The following HCAR3 variants were observed in gnomAD, a reference collection of about 807,000 sequenced individuals.
HCAR3 encodes the protein G-protein coupled receptor 109B.
For missense variants in HCAR3, 404 were observed against 501.2 expected (o/e 0.81, Z 1.85); for synonymous variants, 167 against 201.0 (o/e 0.83, Z 1.43).
Position 122,716,489 on chromosome 12 carries a change from C to T in HCAR3, c.249G>A (p.Val83=). ...CTGAACGCCGCACATAGTAGTCCAT[C>T]ACGAACGGCAGGCAGATGATCAGTA... The part of the protein sequence containing the change: ...DFLLIICLPF[V]MDYYVRRSDW... The change falls in exon 1 of 1, where the codon GTG becomes GTA. Residue 83 remains valine (V), a synonymous_variant. Coordinates refer to ENST00000528880, the MANE Select transcript of HCAR3 (RefSeq NM_006018.3). 1 of 1,614,130 alleles carries T rather than the reference C, an allele frequency of 6.2e-7. No homozygotes were observed. The highest frequency in any genetic ancestry group is 8.5e-7 in the Non-Finnish European group (1 of 1,180,036).
chr12:122,716,122 A>G lies in HCAR3; in HGVS notation c.616T>C (p.Phe206Leu). 1 of 1,613,894 alleles carries G rather than the reference A, an allele frequency of 6.2e-7. No homozygotes were observed. Among genetic ancestry groups the G allele is most frequent in the Non-Finnish European group, 8.5e-7 (1 of 1,179,960 alleles). ...CTCCAGATAATTCTGGCTGAGCAGA[A>G]CAGGATGATGCCCAGGGGCAGGAAG... ...EFFLPLGIIL[F>L]CSARIIWSLR... is the part of the protein sequence containing the mutation. Residue 206 changes from phenylalanine to leucine, a missense_variant, in exon 1 of 1, where the codon TTC becomes CTC. Phe to Leu is a conservative substitution (Grantham distance 22, BLOSUM62 0). Coordinates refer to ENST00000528880, the MANE Select transcript of HCAR3 (RefSeq NM_006018.3).
rs748683048 is a variant in HCAR3, at chr12:122,716,628, T to C, written c.110A>G (p.Glu37Gly). The C allele has an allele frequency of 6.3e-5, 101 of 1,613,828 alleles. 1 individual carries two copies. In the South Asian group the frequency reaches 1.1e-3, roughly 17 times the overall value. The change falls in exon 1 of 1, where the codon GAG becomes GGG. Residue 37 changes from glutamate to glycine, a missense_variant. By Grantham distance (98) the Glu-to-Gly change is moderately conservative (BLOSUM62 -2). Transcript: ENST00000528880. Reference protein sequence around the residue: ...AKVLPPVLGLEFIFGLLGNGL... With the variant: ...AKVLPPVLGLGFIFGLLGNGL... ...ATTGCCCAGAAGCCCAAAGATAAAC[T>C]CCAGCCCCAACACCGGCGGCAACAC...
rs755098499 is a variant in HCAR3 at position 122,716,765 on chromosome 12, G to T, written c.-28C>A. 1.2e-6 allele frequency: 2 copies of T among 1,604,854 alleles called. No individual in the cohort carries two copies. The highest frequency in any genetic ancestry group is 1.7e-6 in the Non-Finnish European group (2 of 1,173,810). On this transcript the variant is annotated 5_prime_UTR_variant, in exon 1 of 1. Transcript: ENST00000528880. ...GTGCAGCTAGTGAGTCCGATGGAGC[G>T]CCTCGCCTAGTGAATGCTCCAGCAA...
At position 122,714,850 on chromosome 12, in the gene HCAR3, G is replaced by A. The variant is rs1312382393; in HGVS notation, c.*724C>T. 1 of 147,944 alleles carries A rather than the reference G, an allele frequency of 6.8e-6. No homozygotes were observed. The highest frequency in any genetic ancestry group is 1.5e-5 in the Non-Finnish European group (1 of 67,080). 9.2% of individuals were successfully genotyped at this position (147,944 alleles called of 1,614,324 possible). On this transcript the variant is annotated 3_prime_UTR_variant, in exon 1 of 1. Coordinates refer to ENST00000528880, the MANE Select transcript of HCAR3 (RefSeq NM_006018.3). ...GAGGAACGTGCACCCCTCTACCCGTGGGGCAGAGGCACGTTTCCCTTTTAA... is the reference window on the plus strand; with the variant it reads ...GAGGAACGTGCACCCCTCTACCCGTAGGGCAGAGGCACGTTTCCCTTTTAA...
chr12:122,716,598 A>C lies in HCAR3; in HGVS notation c.140T>G (p.Leu47Arg). 1 of 1,614,184 alleles carries C rather than the reference A, an allele frequency of 6.2e-7. No individual in the cohort carries two copies. The highest frequency in any genetic ancestry group is 8.5e-7 in the Non-Finnish European group (1 of 1,180,032). ...EFIFGLLGNG[L>R]ALWIFCFHLK... Reference sequence around the variant, plus strand: ...GTGGAAACAGAAAATCCACAGGGCAAGGCCATTGCCCAGAAGCCCAAAGAT... The same window carrying C: ...GTGGAAACAGAAAATCCACAGGGCACGGCCATTGCCCAGAAGCCCAAAGAT... Residue 47 changes from leucine (L) to arginine (R), a missense_variant, in exon 1 of 1, where the codon CTT becomes CGT. Leu to Arg is a moderately radical substitution (Grantham distance 102). Transcript: ENST00000528880.
In HCAR3 at chr12:122,715,597, G is replaced by A. The variant is rs763238978; in HGVS notation, c.1141C>T (p.Gln381Ter). ...CATTACTCGATGCAACAGCCCAACT[G>A]TTTCTCCAGAGATGCTGGTTCTTGG... is the stretch of plus-strand genomic sequence containing the variant. ...CHQEPASLEKQLGCCIE is the reference protein window; with the variant it reads ...CHQEPASLEK Residue 381 changes from glutamine (Q) to a stop codon, truncating the protein, a stop_gained, in exon 1 of 1, where the codon CAG becomes TAG. Coordinates refer to ENST00000528880, the MANE Select transcript of HCAR3 (RefSeq NM_006018.3). LOFTEE classifies it low-confidence loss of function (END_TRUNC). The A allele has an allele frequency of 6.2e-7, 1 of 1,609,308 alleles. No individual in the cohort carries two copies. Among genetic ancestry groups the A allele is most frequent in the Admixed American group, 1.7e-5 (1 of 58,864 alleles).
rs776811746 is a variant in HCAR3, at chr12:122,715,580, G to A, written c.1158C>T (p.Ile386=). 4 of 1,587,132 alleles carry A rather than the reference G, an allele frequency of 2.5e-6. No homozygotes were observed. Among genetic ancestry groups the A allele is most frequent in the African/African-American group, 2.7e-5 (2 of 73,592 alleles). Residue 386 remains isoleucine (I), a synonymous_variant, in exon 1 of 1, where the codon ATC becomes ATT. Transcript: ENST00000528880. ...TAGGCCGAGTCCAGTGACATTACTCGATGCAACAGCCCAACTGTTTCTCCA... is the reference window on the plus strand; with the variant it reads ...TAGGCCGAGTCCAGTGACATTACTCAATGCAACAGCCCAACTGTTTCTCCA... ...ASLEKQLGCC[I]E is the part of the protein sequence containing the mutation.
Position 122,716,156 on chromosome 12 carries a change from G to T in HCAR3, c.582C>A (p.Leu194=), listed in dbSNP as rs1877539375. ...HTFRWHEAMF[L]LEFFLPLGII... ...TGCCCAGGGGCAGGAAGAACTCCAG[G>T]AGGAACATAGCTTCGTGCCACCGGA... Residue 194 remains leucine, a synonymous_variant, in exon 1 of 1, where the codon CTC becomes CTA. Coordinates refer to ENST00000528880, the MANE Select transcript of HCAR3 (RefSeq NM_006018.3). 6.2e-7 allele frequency: 1 copy of T among 1,613,928 alleles called. No individual in the cohort carries two copies. The highest frequency in any genetic ancestry group is 8.5e-7 in the Non-Finnish European group (1 of 1,179,998).
rs779123947 is a variant in HCAR3, at chr12:122,715,822, A to G, written c.916T>C (p.Ser306Pro). The change falls in exon 1 of 1, where the codon TCC becomes CCC. Residue 306 changes from serine (S) to proline (P), a missense_variant. By Grantham distance (74) the Ser-to-Pro change is moderately conservative. Transcript: ENST00000528880. ...TGGAGGCAGCGGTTGATCAAAGTGGAGAAGAAGTTGGGAAAGGATGGGCTG... is the reference window on the plus strand; with the variant it reads ...TGGAGGCAGCGGTTGATCAAAGTGGGGAAGAAGTTGGGAAAGGATGGGCTG... ...FSSPSFPNFF[S>P]TLINRCLQRK... is the part of the protein sequence containing the mutation. 6.3e-7 allele frequency: 1 copy of G among 1,598,830 alleles called. No individual in the cohort carries two copies. The highest frequency in any genetic ancestry group is 8.5e-7 in the Non-Finnish European group (1 of 1,170,924).
In HCAR3 at chr12:122,716,600, G is replaced by A. The variant is rs1487186154; in HGVS notation, c.138C>T (p.Gly46=). The change falls in exon 1 of 1, where the codon GGC becomes GGT. Residue 46 remains glycine, a synonymous_variant. Transcript: ENST00000528880. ...LEFIFGLLGN[G]LALWIFCFHL... ...GGAAACAGAAAATCCACAGGGCAAG[G>A]CCATTGCCCAGAAGCCCAAAGATAA... is the stretch of plus-strand genomic sequence containing the variant. The A allele has an allele frequency of 3.1e-6, 5 of 1,614,030 alleles. No individual in the cohort carries two copies. Among genetic ancestry groups the A allele is most frequent in the Non-Finnish European group, 4.2e-6 (5 of 1,180,046 alleles).
chr12:122,716,621 G>C lies in HCAR3; in HGVS notation c.117C>G (p.Ile39Met). The change falls in exon 1 of 1, where the codon ATC becomes ATG. Residue 39 changes from isoleucine to methionine, a missense_variant. Transcript: ENST00000528880. Reference sequence around the variant, plus strand: ...CAAGGCCATTGCCCAGAAGCCCAAAGATAAACTCCAGCCCCAACACCGGCG... The same window carrying C: ...CAAGGCCATTGCCCAGAAGCCCAAACATAAACTCCAGCCCCAACACCGGCG... The part of the protein sequence containing the change: ...VLPPVLGLEF[I>M]FGLLGNGLAL... The C allele has an allele frequency of 6.2e-7, 1 of 1,614,158 alleles. No homozygotes were observed. Among genetic ancestry groups the C allele is most frequent in the Non-Finnish European group, 8.5e-7 (1 of 1,180,036 alleles).
Position 122,715,978 on chromosome 12 carries a change from T to C in HCAR3, c.760A>G (p.Ile254Val). Residue 254 changes from isoleucine to valine, a missense_variant, in exon 1 of 1, where the codon ATC (isoleucine) becomes GTC (valine). Ile to Val is a conservative substitution (Grantham distance 29). Transcript: ENST00000528880. ...FLPSVVVRIH[I>V]FWLLHTSGTQ... Reference sequence around the variant, plus strand: ...CCCGAAGTGTGCAGGAGCCAGAAGATGTGGATCCGCACAACCACGCTGGGA... The same window carrying C: ...CCCGAAGTGTGCAGGAGCCAGAAGACGTGGATCCGCACAACCACGCTGGGA... 1 of 1,538,968 alleles carries C rather than the reference T, an allele frequency of 6.5e-7. No homozygotes were observed. The highest frequency in any genetic ancestry group is 1.1e-5 in the South Asian group (1 of 89,380).
rs1192109570 is a variant in HCAR3, at chr12:122,714,840, C to T, written c.*734G>A. The T allele has an allele frequency of 1.4e-5, 2 of 148,136 alleles. No individual in the cohort carries two copies. Among genetic ancestry groups the T allele is most frequent in the East Asian group, 2.1e-4 (1 of 4,762 alleles). The allele number at this position is 148,136 out of a possible 1,614,324, so 9.2% of individuals were successfully genotyped here. ...AAGGAACCAGGAGGAACGTGCACCC[C>T]TCTACCCGTGGGGCAGAGGCACGTT... is the stretch of plus-strand genomic sequence containing the variant. On this transcript the variant is annotated 3_prime_UTR_variant, in exon 1 of 1. Coordinates refer to ENST00000528880, the MANE Select transcript of HCAR3 (RefSeq NM_006018.3).
Position 122,716,687 on chromosome 12 carries a change from G to C in HCAR3, c.51C>G (p.Asn17Lys). Residue 17 changes from asparagine (N) to lysine (K), a missense_variant, in exon 1 of 1, where the codon AAC becomes AAG. Coordinates refer to ENST00000528880, the MANE Select transcript of HCAR3 (RefSeq NM_006018.3). ...TGAAGTCATCTCGGAACACACAGCA[G>C]TTCTTCTTGTCTATTTCCAGAAAGT... ...QDHFLEIDKK[N>K]CCVFRDDFIA... is the part of the protein sequence containing the mutation. The C allele has an allele frequency of 7.4e-6, 12 of 1,614,148 alleles. No individual in the cohort carries two copies. The highest frequency in any genetic ancestry group is 1.0e-5 in the Non-Finnish European group (12 of 1,180,026).
Position 122,715,793 on chromosome 12 carries a change from C to T in HCAR3, c.945G>A (p.Arg315=). The part of the protein sequence containing the change: ...FSTLINRCLQ[R]KITGEPDNNR... Reference sequence around the variant, plus strand: ...TATTATCTGGCTCACCTGTTATCTTCCTCTGGAGGCAGCGGTTGATCAAAG... The same window carrying T: ...TATTATCTGGCTCACCTGTTATCTTTCTCTGGAGGCAGCGGTTGATCAAAG... The change falls in exon 1 of 1, where the codon AGG becomes AGA. Residue 315 remains arginine, a synonymous_variant. Transcript: ENST00000528880. 1 of 1,601,118 alleles carries T rather than the reference C, an allele frequency of 6.2e-7. No homozygotes were observed.
Position 122,715,290 on chromosome 12 carries a change from C to T in HCAR3, c.*284G>A. On this transcript the variant is annotated 3_prime_UTR_variant, in exon 1 of 1. Transcript: ENST00000528880. ...GCTAGATATCACCCCAGGAGCTGAG[C>T]CCCCTCCAGTCTGAGGCAGATGTGG... is the stretch of plus-strand genomic sequence containing the variant. 2.8e-6 allele frequency: 1 copy of T among 360,108 alleles called. No homozygotes were observed. The highest frequency in any genetic ancestry group is 5.3e-5 in the East Asian group (1 of 18,718). 22.3% of individuals were successfully genotyped at this position (360,108 alleles called of 1,614,324 possible). A position where few individuals can be genotyped will look rare whatever the true frequency, so the allele number is the denominator to read the frequency against.
chr12:122,716,023 C>T lies in HCAR3; in HGVS notation c.715G>A (p.Val239Ile), dbSNP rs373342696. ...CTGGGAAGGAAGCAGATGACAAAGA[C>T]GATGGCCACCACCATGATGAAGGTG... The part of the protein sequence containing the change: ...AITFIMVVAI[V>I]FVICFLPSVV... The change falls in exon 1 of 1, where the codon GTC becomes ATC. Residue 239 changes from valine to isoleucine, a missense_variant. Transcript: ENST00000528880. 5.0e-6 allele frequency: 8 copies of T among 1,599,446 alleles called. No individual in the cohort carries two copies. Among genetic ancestry groups the T allele is most frequent in the East Asian group, 2.2e-5 (1 of 44,706 alleles).
rs1877504168 is a variant in HCAR3 at position 122,715,339 on chromosome 12, T to C, written c.*235A>G. 3.8e-6 allele frequency: 2 copies of C among 529,998 alleles called. No individual in the cohort carries two copies. The highest frequency in any genetic ancestry group is 3.4e-6 in the Non-Finnish European group (1 of 297,664). The allele number at this position is 529,998 out of a possible 1,614,324, so 32.8% of individuals were successfully genotyped here. ...GGGAAGAAGGCCAACAAGTCACAAG[T>C]AGATCTCTGGCTCCAACTCTGCTCA... On this transcript the variant is annotated 3_prime_UTR_variant, in exon 1 of 1. Transcript: ENST00000528880.
chr12:122,715,683 G>A lies in HCAR3; in HGVS notation c.1055C>T (p.Pro352Leu). The change falls in exon 1 of 1, where the codon CCA becomes CTA. Residue 352 changes from proline (P) to leucine (L), a missense_variant. By Grantham distance (98) the Pro-to-Leu change is moderately conservative (BLOSUM62 -3). Coordinates refer to ENST00000528880, the MANE Select transcript of HCAR3 (RefSeq NM_006018.3). Reference protein sequence around the residue: ...PEALIANSGEPWSPSYLGPTS... With the variant: ...PEALIANSGELWSPSYLGPTS... ...TGGGCCCAGATAAGAGGGGCTCCAT[G>A]GCTCACCGGAGTTGGCGATTAACGC... 2 of 1,613,696 alleles carry A rather than the reference G, an allele frequency of 1.2e-6. No individual in the cohort carries two copies. Among genetic ancestry groups the A allele is most frequent in the Non-Finnish European group, 1.7e-6 (2 of 1,179,844 alleles).
Sources: gnomAD v4.1 joint callset for allele counts on GRCh38, gnomAD v4.1.1 for gene constraint, MANE v1.5 for transcripts, NCBI Gene and HGNC (gene_info 2026-07-23, HGNC 2026-07-21) for gene names.